The following TRIP11 variants were observed in gnomAD, a reference collection of about 807,000 sequenced individuals.
The protein encoded by TRIP11 is thyroid hormone receptor interactor 11, also known as thyroid receptor-interacting protein 11.
Under a neutral mutation model 223.1 loss-of-function variants are expected in TRIP11, and 148 were observed. The observed-to-expected ratio is 0.66, with a 90% CI of 0.58 to 0.76. The LOEUF (loss-of-function observed/expected upper bound fraction) is 0.76, where lower values mean the gene tolerates loss of function less well. Among genes scored for constraint, TRIP11 ranks in the 30% least tolerant of loss-of-function variants. The probability of loss-of-function intolerance (pLI) is 0.00; values close to 1 mark genes in which losing one functional copy is unlikely to be tolerated. For missense variants in TRIP11, 2,043 were observed against 2,222.0 expected, an observed-to-expected ratio of 0.92 and a Z score of 1.62; for synonymous variants, 762 against 772.6, an observed-to-expected ratio of 0.99 and a Z score of 0.23.
intron 2 of TRIP11, among the ~76,000 whole-genome samples, chr14:92,031,380 C>T (rs191143174): frequency 4.2e-4 from 64 of 152,248 alleles, no homozygotes; most frequent in African/African-American, 1.5e-3. Flanking sequence ...GCTGGGATTA[C>T]AGGCATGAGC....
At chr14:91,994,341 T>C (rs1283670081) in intron 14 of TRIP11, among the ~76,000 whole-genome samples, 2 of 149,404 alleles carry the variant, frequency 1.3e-5, no homozygotes, top group African/African-American at 5.0e-5. Flanking sequence ...GCTCACTCAC[T>C]GCAACCTCCT....
At chr14:92,028,659 A>G (rs1163244655) in intron 2 of TRIP11, among the ~76,000 whole-genome samples, 2 of 152,226 alleles carry the variant, frequency 1.3e-5, no homozygotes, top group Non-Finnish European at 2.9e-5. Flanking sequence ...TTTCTATTAT[A>G]TGGAATATTG....
chr14:92,004,108 G>C lies in TRIP11; in HGVS notation c.3868C>G (p.Gln1290Glu). 8.1e-6 allele frequency: 13 copies of C among 1,614,156 alleles called. No homozygotes were observed. The highest frequency in any genetic ancestry group is 1.1e-5 in the Non-Finnish European group (13 of 1,180,030). ...AGCTGCCCAATGCTGTGCTGAACTT[G>C]TGCTAATTCCTGCCCAAAATTTTTG... is the stretch of plus-strand genomic sequence containing the variant. ...KLKNFGQELA[Q>E]VQHSIGQLCN... The change falls in exon 11 of 21, where the codon CAA (glutamine) becomes GAA (glutamate). Residue 1290 changes from glutamine to glutamate, a missense_variant. By Grantham distance (29) the Gln-to-Glu change is conservative (BLOSUM62 2). Transcript: ENST00000267622.
chr14:91,999,818 G>A lies in TRIP11; in HGVS notation c.4698+150C>T, dbSNP rs555841496. The A allele has an allele frequency of 1.9e-4, 195 of 1,034,178 alleles. No individual in the cohort carries two copies. In the East Asian group the frequency reaches 4.2e-3, roughly 22 times the overall value. The allele number at this position is 1,034,178 out of a possible 1,614,324, so 64.1% of individuals were successfully genotyped here. A position where few individuals can be genotyped will look rare whatever the true frequency, so the allele number is the denominator to read the frequency against. Reference sequence around the variant, plus strand: ...GAAGACTGAAATAAAATGCACCATGGGAGATTAAAATTTTACTACTGCACA... The same window carrying A: ...GAAGACTGAAATAAAATGCACCATGAGAGATTAAAATTTTACTACTGCACA... On this transcript the variant is annotated intron_variant, in intron 12 of 20. Coordinates refer to ENST00000267622, the MANE Select transcript of TRIP11 (RefSeq NM_004239.4).
chr14:92,018,745 G>A (rs941648090), intron 4 of TRIP11, among the ~76,000 whole-genome samples: 3 of 151,740 alleles, frequency 2.0e-5, no homozygotes, highest in Non-Finnish European at 4.4e-5. Flanking sequence ...GATCACAAGG[G>A]CAAGAGATCA....
At position 91,999,884 on chromosome 14, in the gene TRIP11, A is replaced by T. The variant is rs2056799645; in HGVS notation, c.4698+84T>A. ...GAAAAATCACCTAACAGAGAAATTC[A>T]TTTTCACTGATCACCTTTCCAGTTC... is the stretch of plus-strand genomic sequence containing the variant. On this transcript the variant is annotated intron_variant, in intron 12 of 20. Transcript: ENST00000267622. The T allele has an allele frequency of 3.2e-6, 5 of 1,569,788 alleles. No homozygotes were observed. In the South Asian group the frequency reaches 3.4e-5, roughly 11 times the overall value.
chr14:91,966,927 ACT>A lies in TRIP11; in HGVS notation c.*2744_*2745del, dbSNP rs1214525934. 2 of 209,616 alleles carry A rather than the reference ACT, an allele frequency of 9.5e-6. No homozygotes were observed. Among genetic ancestry groups the A allele is most frequent in the Non-Finnish European group, 1.9e-5 (2 of 103,194 alleles). 13.0% of individuals were successfully genotyped at this position (209,616 alleles called of 1,614,324 possible). On this transcript the variant is annotated 3_prime_UTR_variant, in exon 21 of 21. Coordinates refer to ENST00000267622, the MANE Select transcript of TRIP11 (RefSeq NM_004239.4). Reference sequence around the variant, plus strand: ...TAGTTAAAATATTGCAGTTAAACGCACTGTTAGCAATGTCCTATTGCCAACAT... The same window carrying A: ...TAGTTAAAATATTGCAGTTAAACGCAGTTAGCAATGTCCTATTGCCAACAT...
intron 16 of TRIP11, among the ~76,000 whole-genome samples, chr14:91,979,465 T>C (rs2056509872): frequency 6.6e-6 from 1 of 152,100 alleles, no homozygotes; most frequent in South Asian, 2.1e-4. Context: ...CTTACTAAGA[T>C]TGGTATGGTT....
chr14:92,000,864 CT>C (rs528664948), intron 11 of TRIP11, among the ~76,000 whole-genome samples: 136 of 141,578 alleles, frequency 9.6e-4, no homozygotes, highest in Middle Eastern at 3.7e-3. Flanking sequence ...CTTTTTTTTT[CT>C]TTTTTTTTTT....
rs187078505 is a variant in TRIP11 at position 92,027,690 on chromosome 14, G to A, written c.202-2270C>T. ...ATTCTACTAATATACCCACAAACAC[G>A]GTTTAACAACAATGAATGAGAAAAA... On this transcript the variant is annotated intron_variant, in intron 2 of 20. Transcript: ENST00000267622. Among the ~76,000 whole-genome samples the A allele has an allele frequency of 1.0e-3, 153 of 152,166 alleles. 2 individuals carry two copies. Among genetic ancestry groups the A allele is most frequent in the African/African-American group, 3.5e-3 (146 of 41,508 alleles).
At chr14:91,973,525 T>C (rs900113438) in intron 19 of TRIP11, among the ~76,000 whole-genome samples, 2 of 152,200 alleles carry the variant, frequency 1.3e-5, no homozygotes, top group African/African-American at 4.8e-5. Flanking sequence ...AAAAATTATA[T>C]GAAAGGAAAA....
At chr14:92,011,713 C>T (rs1015681992) in intron 8 of TRIP11, 42 bp downstream of exon 8, 10 of 1,549,194 alleles carry the variant, frequency 6.5e-6, no homozygotes, top group Non-Finnish European at 8.9e-6. Context: ...GGATCTGCTT[C>T]CACTGTCTCT....
Position 92,015,698 on chromosome 14 carries a change from T to C in TRIP11, c.821A>G (p.Gln274Arg), listed in dbSNP as rs576506942. The C allele has an allele frequency of 6.2e-7, 1 of 1,607,206 alleles. No individual in the cohort carries two copies. Among genetic ancestry groups the C allele is most frequent in the East Asian group, 2.2e-5 (1 of 44,748 alleles). Residue 274 changes from glutamine to arginine, a missense_variant and splice_region_variant, in exon 6 of 21, where the codon CAA (glutamine) becomes CGA (arginine). By Grantham distance (43) the Gln-to-Arg change is conservative (BLOSUM62 1). Coordinates refer to ENST00000267622, the MANE Select transcript of TRIP11 (RefSeq NM_004239.4). ...AATAAAGAAATAAAACTAATAACCT[T>C]GTTGTAACAGATTTTCAAGTTCTTC... ...RIEELENLLQ[Q>R]GGSGVIETDL...
chr14:92,018,246 C>T (rs1311185797), intron 4 of TRIP11, among the ~76,000 whole-genome samples: 1 of 151,874 alleles, frequency 6.6e-6, no homozygotes, highest in Non-Finnish European at 1.5e-5. Flanking sequence ...AAGCACATGC[C>T]AGCATGCTTA....
chr14:92,014,505 A>C lies in TRIP11; in HGVS notation c.896T>G (p.Ile299Arg), dbSNP rs781060674. 1 of 1,596,974 alleles carries C rather than the reference A, an allele frequency of 6.3e-7. No individual in the cohort carries two copies. Among genetic ancestry groups the C allele is most frequent in the South Asian group, 1.2e-5 (1 of 86,330 alleles). ...TTTTTTGGTAGACTCCACTTTTTCTATTTGTAGAACTTGAATAGTTTTTTG... is the reference window on the plus strand; with the variant it reads ...TTTTTTGGTAGACTCCACTTTTTCTCTTTGTAGAACTTGAATAGTTTTTTG... ...EMQKTIQVLQ[I>R]EKVESTKKME... The change falls in exon 7 of 21, where the codon ATA becomes AGA. Residue 299 changes from isoleucine (I) to arginine (R), a missense_variant. By Grantham distance (97) the Ile-to-Arg change is moderately conservative (BLOSUM62 -3). Coordinates refer to ENST00000267622, the MANE Select transcript of TRIP11 (RefSeq NM_004239.4).
In TRIP11 at chr14:91,985,802, T is replaced by G. The variant is rs569381598; in HGVS notation, c.5260+2482A>C. Among the ~76,000 whole-genome samples, 5 of 152,354 alleles carry G rather than the reference T, an allele frequency of 3.3e-5. No individual in the cohort carries two copies. In the South Asian group the frequency reaches 1.0e-3, roughly 32 times the overall value. ...CAGTATTACAACATCAATCAACATT[T>G]AAAGTACTTAATGATCTAGGAGAGA... On this transcript the variant is annotated intron_variant, in intron 16 of 20. Coordinates refer to ENST00000267622, the MANE Select transcript of TRIP11 (RefSeq NM_004239.4).
At chr14:92,033,391 GCTTT>G in intron 1 of TRIP11, 138 bp from the exon 2 acceptor site, 1 of 682,134 alleles carries the variant, frequency 1.5e-6, no homozygotes, top group Non-Finnish European at 2.5e-6. Flanking sequence ...GAAACAAATC[GCTTT>G]ATTTCCATAA....
intron 5 of TRIP11, among the ~76,000 whole-genome samples, chr14:92,016,545 C>T (rs1172524428): frequency 6.6e-6 from 1 of 152,152 alleles, no homozygotes; most frequent in African/African-American, 2.4e-5. Context: ...AGTAAATCCT[C>T]TTTTGCTTTA....
chr14:92,014,545 T>G lies in TRIP11; in HGVS notation c.856A>C (p.Lys286Gln). The G allele has an allele frequency of 6.2e-7, 1 of 1,603,304 alleles. No individual in the cohort carries two copies. The highest frequency in any genetic ancestry group is 8.5e-7 in the Non-Finnish European group (1 of 1,177,690). ...ATAGTTTTTTGCATCTCATAGATTT[T>G]AGAGAGATCAGTTTCTATAACTCCA... is the stretch of plus-strand genomic sequence containing the variant. ...GSGVIETDLS[K>Q]IYEMQKTIQV... is the part of the protein sequence containing the mutation. Residue 286 changes from lysine (K) to glutamine (Q), a missense_variant, in exon 7 of 21, where the codon AAA becomes CAA. Coordinates refer to ENST00000267622, the MANE Select transcript of TRIP11 (RefSeq NM_004239.4).
Sources: gnomAD v4.1 joint callset for allele counts (sites outside exome capture counted in the v4.1 genomes callset) on GRCh38, gnomAD v4.1.1 for gene constraint, MANE v1.5 for transcripts, NCBI Gene and HGNC (gene_info 2026-07-23, HGNC 2026-07-21) for gene names.